SEMA6D: variants seen among roughly 807,000 people sequenced by gnomAD.
SEMA6D encodes the protein semaphorin 6D.
In SEMA6D, 35 loss-of-function variants were observed where a neutral mutation model predicts 106.6. That is an observed-to-expected ratio of 0.33 (90% confidence interval 0.25 to 0.44). The LOEUF is 0.44. Among genes scored for constraint, SEMA6D ranks in the 20% least tolerant of loss-of-function variants. The probability of loss-of-function intolerance (pLI) is 1.00; values close to 1 mark genes in which losing one functional copy is unlikely to be tolerated. For missense variants in SEMA6D, 1,185 were observed against 1,345.9 expected, an observed-to-expected ratio of 0.88 and a Z score of 1.87; for synonymous variants, 499 against 487.7, an observed-to-expected ratio of 1.02 and a Z score of -0.31.
intron 4 of SEMA6D, among the ~76,000 whole-genome samples, chr15:47,689,165 G>A (rs1347205740): frequency 6.6e-6 from 1 of 152,110 alleles, no homozygotes; most frequent in Non-Finnish European, 1.5e-5. Flanking sequence ...AGTAATATCT[G>A]TTCACATTCA....
chr15:47,569,302 G>A (rs1433853891), intron 3 of SEMA6D, among the ~76,000 whole-genome samples: 1 of 151,972 alleles, frequency 6.6e-6, no homozygotes. Context: ...GTTACTACTG[G>A]CTCTCCCTTT....
intron 1 of SEMA6D, among the ~76,000 whole-genome samples, chr15:47,409,540 A>G (rs1174301098): frequency 2.6e-5 from 4 of 152,236 alleles, no homozygotes; most frequent in Non-Finnish European, 4.4e-5. Flanking sequence ...GTCCAAAGAC[A>G]TGTTAATGTC....
At chr15:47,193,523 A>G (rs1027579693) in intron 1 of SEMA6D, among the ~76,000 whole-genome samples, 9 of 152,168 alleles carry the variant, frequency 5.9e-5, no homozygotes, top group African/African-American at 2.2e-4. Flanking sequence ...GTCAAGGCCG[A>G]AATTGGATTA....
At chr15:47,342,343 T>C (rs2144526955) in intron 1 of SEMA6D, among the ~76,000 whole-genome samples, 1 of 152,352 alleles carries the variant, frequency 6.6e-6, no homozygotes, top group Middle Eastern at 3.4e-3. Flanking sequence ...AAATAAGCTC[T>C]ATTAAATTTG....
Position 47,764,489 on chromosome 15 carries a change from A to T in SEMA6D, c.1098-149A>T, listed in dbSNP as rs1023879936. 8.0e-6 allele frequency: 10 copies of T among 1,253,960 alleles called. No individual in the cohort carries two copies. In the South Asian group the frequency reaches 1.2e-4, roughly 15 times the overall value. 77.7% of individuals were successfully genotyped at this position (1,253,960 alleles called of 1,614,324 possible). On this transcript the variant is annotated intron_variant, in intron 11 of 18. Coordinates refer to ENST00000536845, the MANE Select transcript of SEMA6D (RefSeq NM_001358351.3). ...TGAGTGTGAATGGAGAACCCATTGA[A>T]TTCAGGGGCATAGCATTGCTCCTTT...
At chr15:47,688,614 G>C (rs566582735) in intron 4 of SEMA6D, among the ~76,000 whole-genome samples, 92 of 152,248 alleles carry the variant, frequency 6.0e-4, no homozygotes, top group African/African-American at 2.2e-3. Context: ...CCAACCTTGA[G>C]ACTCTGATTC....
intron 3 of SEMA6D, among the ~76,000 whole-genome samples, chr15:47,532,343 C>T (rs1181128552): frequency 6.6e-6 from 1 of 152,154 alleles, no homozygotes; most frequent in African/African-American, 2.4e-5. Flanking sequence ...AATCTAATTG[C>T]ATGAAGTGCA....
At chr15:47,405,168 G>C (rs1339395723) in intron 1 of SEMA6D, among the ~76,000 whole-genome samples, 2 of 152,152 alleles carry the variant, frequency 1.3e-5, no homozygotes, top group Non-Finnish European at 2.9e-5. Context: ...AGGGCTCTGT[G>C]TTCTCTTCTG....
At chr15:47,769,702 TTTA>T (rs1430885504) in intron 18 of SEMA6D, among the ~76,000 whole-genome samples, 1 of 152,180 alleles carries the variant, frequency 6.6e-6, no homozygotes, top group Non-Finnish European at 1.5e-5. Context: ...CTAACTTTTT[TTTA>T]TTAATTGTTA....
At chr15:47,261,152 T>A (rs771541977) in intron 1 of SEMA6D, among the ~76,000 whole-genome samples, 6 of 152,184 alleles carry the variant, frequency 3.9e-5, no homozygotes, top group Non-Finnish European at 7.4e-5. Context: ...TAATTGGCTG[T>A]GTGGCTTATT....
chr15:47,546,758 T>G (rs1429154207), intron 3 of SEMA6D, among the ~76,000 whole-genome samples: 1 of 147,074 alleles, frequency 6.8e-6, no homozygotes, highest in Non-Finnish European at 1.5e-5. Context: ...CTGATCCTAC[T>G]GGACCATTCA....
chr15:47,607,513 C>CT (rs1240726178), intron 4 of SEMA6D, among the ~76,000 whole-genome samples: 1 of 152,168 alleles, frequency 6.6e-6, no homozygotes, highest in Admixed American at 6.5e-5. Context: ...CTCTATCACT[C>CT]TAAGTAAATA....
intron 4 of SEMA6D, among the ~76,000 whole-genome samples, chr15:47,671,672 T>C (rs12594800): frequency 0.69 from 105,002 of 152,070 alleles, 42,982 homozygotes; most frequent in Middle Eastern, 0.91. Context: ...TGGATTGAAA[T>C]GGGAAAAGTT....
At chr15:47,492,399 C>G (rs1315673668) in intron 3 of SEMA6D, among the ~76,000 whole-genome samples, 4 of 152,084 alleles carry the variant, frequency 2.6e-5, no homozygotes, top group Non-Finnish European at 4.4e-5. Flanking sequence ...TCTCTCACTC[C>G]CTATCCACAA....
At chr15:47,767,430 G>GGAT in intron 17 of SEMA6D, 1 of 194,434 alleles carries the variant, frequency 5.1e-6, no homozygotes, top group Non-Finnish European at 1.0e-5. Flanking sequence ...TGTATTTAAT[G>GGAT]GATGGCGGAA....
At chr15:47,490,348 A>C (rs1056549122) in intron 3 of SEMA6D, among the ~76,000 whole-genome samples, 1 of 152,152 alleles carries the variant, frequency 6.6e-6, no homozygotes, top group African/African-American at 2.4e-5. Flanking sequence ...CCTAAAAGAC[A>C]CTTTGAAGAA....
intron 3 of SEMA6D, among the ~76,000 whole-genome samples, chr15:47,549,348 A>C (rs932977634): frequency 3.9e-5 from 6 of 152,238 alleles, no homozygotes; most frequent in African/African-American, 1.4e-4. Flanking sequence ...AGGGTCCCAG[A>C]AGCCCATCTG....
chr15:47,547,621 A>G (rs555400031), intron 3 of SEMA6D, among the ~76,000 whole-genome samples: 7 of 152,256 alleles, frequency 4.6e-5, no homozygotes, highest in Non-Finnish European at 8.8e-5. Flanking sequence ...TTCTTCTTTA[A>G]TAGAGATTTG....
intron 3 of SEMA6D, among the ~76,000 whole-genome samples, chr15:47,480,675 C>T (rs1028839244): frequency 2.0e-5 from 3 of 152,176 alleles, no homozygotes; most frequent in African/African-American, 7.2e-5. Flanking sequence ...TGCCACTGAA[C>T]TGCTAAGGTT....
Sources: allele counts gnomAD v4.1 joint callset (sites outside exome capture counted in the v4.1 genomes callset), GRCh38; gene constraint gnomAD v4.1.1; transcripts MANE v1.5; gene names NCBI Gene and HGNC (gene_info 2026-07-23, HGNC 2026-07-21).